SGMS1: variants seen among roughly 807,000 people sequenced by gnomAD.
SGMS1 encodes phosphatidylcholine:ceramide cholinephosphotransferase 1.
SGMS1 carries 13 observed loss-of-function variants against 46.2 expected under a neutral mutation model. The observed-to-expected ratio is 0.28, with a 90% CI of 0.18 to 0.45. SGMS1 has a LOEUF of 0.45. Among genes scored for constraint, SGMS1 ranks in the 20% least tolerant of loss-of-function variants. SGMS1 has a pLI of 1.00. For missense variants in SGMS1, 324 were observed against 519.9 expected (o/e 0.62, Z 3.66); for synonymous variants, 203 against 187.8 (o/e 1.08, Z -0.66).
intron 3 of SGMS1, among the ~76,000 whole-genome samples, chr10:50,479,576 T>C (rs1444660114): frequency 1.3e-5 from 2 of 152,328 alleles, no homozygotes; most frequent in East Asian, 3.9e-4. Context: ...ATTATATTTT[T>C]TTCTTACTTT....
intron 6 of SGMS1, among the ~76,000 whole-genome samples, chr10:50,373,007 T>C (rs1320546297): frequency 6.6e-6 from 1 of 152,218 alleles, no homozygotes; most frequent in Non-Finnish European, 1.5e-5. Context: ...TTGACTTTTT[T>C]CTTCAGATTG....
At chr10:50,352,242 A>G (rs1848031315) in intron 6 of SGMS1, among the ~76,000 whole-genome samples, 2 of 152,178 alleles carry the variant, frequency 1.3e-5, no homozygotes, top group Non-Finnish European at 2.9e-5. Flanking sequence ...CCAAGACCCC[A>G]GAGCCCAGCT....
Position 50,506,543 on chromosome 10 carries a change from C to T in SGMS1, c.-498+13288G>A, listed in dbSNP as rs575796227. Among the ~76,000 whole-genome samples the T allele has an allele frequency of 5.4e-4, 82 of 152,232 alleles. 1 individual carries two copies. Among genetic ancestry groups the T allele is most frequent in the African/African-American group, 1.8e-3 (74 of 41,540 alleles). ...GTCCCTAAGTGAGCCATTCAGACCA[C>T]GTGTCTGCTCAGTTTCATTTCATAT... On this transcript the variant is annotated intron_variant, in intron 3 of 10. Transcript: ENST00000361781.
At chr10:50,536,634 T>G (rs761398702) in intron 2 of SGMS1, among the ~76,000 whole-genome samples, 2 of 152,186 alleles carry the variant, frequency 1.3e-5, no homozygotes, top group African/African-American at 2.4e-5. Context: ...ATAATCCAAG[T>G]GAATATTTTG....
chr10:50,404,231 G>T (rs884880), intron 6 of SGMS1, among the ~76,000 whole-genome samples: 28,807 of 151,886 alleles, frequency 0.19, 2,950 homozygotes, highest in Admixed American at 0.24. Context: ...TTACCAGATT[G>T]GCAAAAATGT....
intron 6 of SGMS1, among the ~76,000 whole-genome samples, chr10:50,396,277 G>T (rs1279972759): frequency 6.6e-6 from 1 of 152,044 alleles, no homozygotes; most frequent in Non-Finnish European, 1.5e-5. Flanking sequence ...TACTTCCCAC[G>T]TGCAGCCCCC....
intron 1 of SGMS1, 69 bp downstream of exon 1, chr10:50,623,638 C>G (rs770305362): frequency 7.5e-5 from 74 of 985,244 alleles, no homozygotes; most frequent in Non-Finnish European, 8.6e-5. Context: ...AGGCCGGGCC[C>G]GCGAGACAGG....
chr10:50,516,250 C>G (rs1202909542), intron 3 of SGMS1, among the ~76,000 whole-genome samples: 2 of 152,316 alleles, frequency 1.3e-5, no homozygotes, highest in East Asian at 3.9e-4. Context: ...ACTTAGCATT[C>G]TACAGACCAA....
chr10:50,548,568 G>C (rs1279113701), intron 2 of SGMS1, among the ~76,000 whole-genome samples: 5 of 152,238 alleles, frequency 3.3e-5, no homozygotes, highest in Non-Finnish European at 5.9e-5. Flanking sequence ...ACTCAGGATG[G>C]ATTAAAAACT....
intron 6 of SGMS1, among the ~76,000 whole-genome samples, chr10:50,408,431 TAAAAAAAAAA>T (rs71029307): frequency 1.1e-5 from 1 of 95,208 alleles, no homozygotes; most frequent in African/African-American, 3.9e-5. Flanking sequence ...CCTCATCTCT[TAAAAAAAAAA>T]AAAAAAAAAA....
intron 7 of SGMS1, chr10:50,335,161 C>CT (rs1847695893): frequency 6.6e-6 from 1 of 152,290 alleles, no homozygotes; most frequent in Non-Finnish European, 1.5e-5. Flanking sequence ...GTGGTTAGAC[C>CT]TATGCCAGCA....
intron 3 of SGMS1, among the ~76,000 whole-genome samples, chr10:50,487,182 A>G (rs1837528186): frequency 6.6e-6 from 1 of 152,186 alleles, no homozygotes; most frequent in Admixed American, 6.5e-5. Context: ...AAGGAGGGAG[A>G]GGGACATGGT....
At chr10:50,401,342 C>T (rs765432563) in intron 6 of SGMS1, among the ~76,000 whole-genome samples, 6 of 152,114 alleles carry the variant, frequency 3.9e-5, no homozygotes, top group African/African-American at 1.4e-4. Flanking sequence ...TTACTATGTG[C>T]CAAATTTACC....
chr10:50,570,641 A>C (rs567115492), intron 2 of SGMS1, among the ~76,000 whole-genome samples: 4 of 152,356 alleles, frequency 2.6e-5, no homozygotes, highest in Admixed American at 2.6e-4. Flanking sequence ...TGCTATTTAA[A>C]AAAAGGGTAG....
At chr10:50,408,665 A>C (rs1188704690) in intron 6 of SGMS1, among the ~76,000 whole-genome samples, 1 of 151,884 alleles carries the variant, frequency 6.6e-6, no homozygotes, top group Non-Finnish European at 1.5e-5. Flanking sequence ...CCTGGGTGAC[A>C]GAGTGAGACT....
At position 50,322,793 on chromosome 10, in the gene SGMS1, C is replaced by T. The variant is rs1847469896; in HGVS notation, c.741+4412G>A. Among the ~76,000 whole-genome samples the T allele has an allele frequency of 5.8e-5, 8 of 138,980 alleles. No homozygotes were observed. The Admixed American group carries it at 6.1e-4, about 11-fold the overall frequency. The allele number at this position is 138,980 out of a possible 152,430, so 91.2% of individuals were successfully genotyped here. A position where few individuals can be genotyped will look rare whatever the true frequency, so the allele number is the denominator to read the frequency against. ...CTTGCAGTGAGCCGAGATTGCGCCA[C>T]TGCAGTCCGCAGTCCGGCCTGGGCG... On this transcript the variant is annotated intron_variant, in intron 8 of 10. Transcript: ENST00000361781.
rs143102271 is a variant in SGMS1, at chr10:50,314,589, C to T, written c.742-3174G>A. On this transcript the variant is annotated intron_variant, in intron 8 of 10. Transcript: ENST00000361781. ...AGGAGTCTACCTCAAAGAAATAATA[C>T]CAAATATGAAGAAAAGTTCTATGTG... Among the ~76,000 whole-genome samples the T allele has an allele frequency of 7.3e-4, 111 of 152,186 alleles. 1 individual carries two copies. The highest frequency in any genetic ancestry group is 2.5e-3 in the African/African-American group (102 of 41,518).
At chr10:50,394,698 C>G (rs1484671661) in intron 6 of SGMS1, among the ~76,000 whole-genome samples, 2 of 152,230 alleles carry the variant, frequency 1.3e-5, no homozygotes, top group African/African-American at 4.8e-5. Context: ...TTTAATTCAT[C>G]TAACTTAATT....
intron 5 of SGMS1, among the ~76,000 whole-genome samples, chr10:50,441,870 C>CA (rs138168765): frequency 0.035 from 5,272 of 152,262 alleles, 312 homozygotes; most frequent in African/African-American, 0.12. Context: ...TTATCCATTG[C>CA]ATGGATACTT....
Sources: allele counts gnomAD v4.1 joint callset (sites outside exome capture counted in the v4.1 genomes callset), GRCh38; gene constraint gnomAD v4.1.1; transcripts MANE v1.5; gene names NCBI Gene and HGNC (gene_info 2026-07-23, HGNC 2026-07-21).